The following SUPT6H variants were observed in gnomAD, a reference collection of about 807,000 sequenced individuals.
SUPT6H encodes transcription elongation factor SPT6.
In SUPT6H, 11 loss-of-function variants were observed where a neutral mutation model predicts 222.3. The ratio of observed to expected loss-of-function variants is 0.05; its 90% CI spans 0.03 to 0.08. The LOEUF (loss-of-function observed/expected upper bound fraction) is 0.08, where lower values mean the gene tolerates loss of function less well. Ranked by LOEUF, SUPT6H falls within the 10% of genes least tolerant of loss-of-function variation. The pLI is 1.00. For missense variants in SUPT6H, 1,422 were observed against 2,216.0 expected, an observed-to-expected ratio of 0.64 and a Z score of 7.19; for synonymous variants, 762 against 801.2, an observed-to-expected ratio of 0.95 and a Z score of 0.83.
intron 27 of SUPT6H, among the ~76,000 whole-genome samples, 191 bp from the exon 28 acceptor site, chr17:28,693,505 A>G (rs2031768694): frequency 1.3e-5 from 2 of 152,226 alleles, no homozygotes; most frequent in Admixed American, 6.5e-5. Flanking sequence ...GGTGCCAAGC[A>G]TCAGCTATGA....
Position 28,681,945 on chromosome 17 carries a change from G to T in SUPT6H, c.1562G>T (p.Arg521Leu). ...CCTGAGCTCAAGCAAGCCTCTCGCC[G>T]AGACATGTACACCATCTGCCAGAGT... Reference protein sequence around the residue: ...RGPELKQASRRDMYTICQSAG... With the variant: ...RGPELKQASRLDMYTICQSAG... The change falls in exon 13 of 37, where the codon CGA (arginine) becomes CTA (leucine). Residue 521 changes from arginine (R) to leucine (L), a missense_variant. Arg to Leu is a moderately radical substitution (Grantham distance 102). Around this residue, in one of 13 missense-constraint regions of SUPT6H, gnomAD observed 389 missense variants for 544.6 expected, o/e 0.71. Transcript: ENST00000314616. The T allele has an allele frequency of 6.2e-7, 1 of 1,608,782 alleles. No individual in the cohort carries two copies. Among genetic ancestry groups the T allele is most frequent in the Non-Finnish European group, 8.5e-7 (1 of 1,178,470 alleles).
intron 2 of SUPT6H, 86 bp from the exon 3 acceptor site, chr17:28,674,197 G>A (rs1007570272): frequency 5.2e-6 from 8 of 1,540,586 alleles, no homozygotes; most frequent in Non-Finnish European, 7.0e-6. Flanking sequence ...TAGGTGCAGA[G>A]CAAATGGATA....
intron 19 of SUPT6H, 48 bp downstream of exon 19, chr17:28,685,009 TATGATTC>T: frequency 1.3e-6 from 2 of 1,531,836 alleles, no homozygotes; most frequent in Non-Finnish European, 1.8e-6. Context: ...GAGTATGTCT[TATGATTC>T]AGTGGAGATA....
At position 28,688,104 on chromosome 17, in the gene SUPT6H, A is replaced by G. The variant is rs143898836; in HGVS notation, c.3020A>G (p.Asn1007Ser). The G allele has an allele frequency of 2.0e-5, 33 of 1,612,704 alleles. No homozygotes were observed. In the African/African-American group the frequency reaches 3.2e-4, roughly 16 times the overall value. Residue 1007 changes from asparagine (N) to serine (S), a missense_variant, in exon 24 of 37, where the codon AAC becomes AGC. Asn to Ser is a conservative substitution (Grantham distance 46, BLOSUM62 1). Coordinates refer to ENST00000314616, the MANE Select transcript of SUPT6H (RefSeq NM_003170.5). This position sits in a 1 kb window ranked among gnomAD's most constrained non-coding sequence, Gnocchi z 4.3. Reference protein sequence around the residue: ...GTHLLKILKQNNTRLESRTQL... With the variant: ...GTHLLKILKQSNTRLESRTQL... Reference sequence around the variant, plus strand: ...TCTCTCCCCCAGATCCTGAAGCAGAACAACACCCGGCTCGAGAGCCGGACC... The same window carrying G: ...TCTCTCCCCCAGATCCTGAAGCAGAGCAACACCCGGCTCGAGAGCCGGACC...
At chr17:28,683,939 C>G in intron 17 of SUPT6H, 123 bp downstream of exon 17, 1 of 832,784 alleles carries the variant, frequency 1.2e-6, no homozygotes, top group East Asian at 3.0e-5. Context: ...AGGTTGATGC[C>G]ATTCTCCTGC....
Position 28,681,955 on chromosome 17 carries a change from C to T in SUPT6H, c.1572C>T (p.Tyr524=), listed in dbSNP as rs149935157. The T allele has an allele frequency of 2.4e-5, 39 of 1,607,176 alleles. No homozygotes were observed. Among genetic ancestry groups the T allele is most frequent in the Non-Finnish European group, 3.2e-5 (38 of 1,177,948 alleles). The change falls in exon 13 of 37, where the codon TAC becomes TAT. Residue 524 remains tyrosine, a synonymous_variant. Coordinates refer to ENST00000314616, the MANE Select transcript of SUPT6H (RefSeq NM_003170.5). ...ELKQASRRDM[Y]TICQSAGLDG... ...AGCAAGCCTCTCGCCGAGACATGTA[C>T]ACCATCTGCCAGAGTGCTGGGCTAG...
At position 28,701,661 on chromosome 17, in the gene SUPT6H, C is replaced by T. The variant is rs1257218467; in HGVS notation, c.*36C>T. Reference sequence around the variant, plus strand: ...CCTCGGACTCTGGTTACCTCTGAGGCTGGGAAAGGCCTGGCTGCCCACTGC... The same window carrying T: ...CCTCGGACTCTGGTTACCTCTGAGGTTGGGAAAGGCCTGGCTGCCCACTGC... On this transcript the variant is annotated 3_prime_UTR_variant, in exon 37 of 37. Coordinates refer to ENST00000314616, the MANE Select transcript of SUPT6H (RefSeq NM_003170.5). 5 of 1,568,146 alleles carry T rather than the reference C, an allele frequency of 3.2e-6. No individual in the cohort carries two copies. The highest frequency in any genetic ancestry group is 4.3e-6 in the Non-Finnish European group (5 of 1,152,784).
chr17:28,674,905 T>G, intron 4 of SUPT6H, 65 bp from the exon 5 acceptor site: 1 of 1,547,944 alleles, frequency 6.5e-7, no homozygotes, highest in South Asian at 1.2e-5. Context: ...GGAGTGAGAC[T>G]GGAGATTTGG....
At chr17:28,673,193 G>A (rs1259880157) in intron 1 of SUPT6H, among the ~76,000 whole-genome samples, 178 bp from the exon 2 acceptor site, 1 of 151,954 alleles carries the variant, frequency 6.6e-6, no homozygotes, top group Non-Finnish European at 1.5e-5. Flanking sequence ...GCAATGCTGG[G>A]AGGAATGGAT....
At chr17:28,691,255 G>A (rs935357551) in intron 27 of SUPT6H, 192 bp downstream of exon 27, 11 of 728,432 alleles carry the variant, frequency 1.5e-5, no homozygotes, top group Admixed American at 1.1e-4. Context: ...AGCTGGGCAC[G>A]GTGGCTCACG....
Position 28,683,241 on chromosome 17 carries a change from C to T in SUPT6H, c.1879-27C>T, listed in dbSNP as rs369722530. 7 of 1,609,982 alleles carry T rather than the reference C, an allele frequency of 4.3e-6. No individual in the cohort carries two copies. The African/African-American group carries it at 8.0e-5, about 18-fold the overall frequency. On this transcript the variant is annotated intron_variant, in intron 15 of 36. Coordinates refer to ENST00000314616, the MANE Select transcript of SUPT6H (RefSeq NM_003170.5). ...GGGCCTGGCCCAGCCCATCCGCAGG[C>T]TCATGATTCCCCCTTCATGTGTGCA...
rs2032150455 is a variant in SUPT6H at position 28,701,871 on chromosome 17, G to A, written c.*246G>A. On this transcript the variant is annotated 3_prime_UTR_variant, in exon 37 of 37. Coordinates refer to ENST00000314616, the MANE Select transcript of SUPT6H (RefSeq NM_003170.5). ...CTGTCCTGGGACCAGGCTGGGAGGG[G>A]AGTGTGGCAGGGAGGAGGAAGAGGA... 3.9e-6 allele frequency: 2 copies of A among 511,474 alleles called. No homozygotes were observed. Among genetic ancestry groups the A allele is most frequent in the South Asian group, 6.7e-5 (2 of 29,752 alleles). The allele number at this position is 511,474 out of a possible 1,614,324, so 31.7% of individuals were successfully genotyped here. A position where few individuals can be genotyped will look rare whatever the true frequency, so the allele number is the denominator to read the frequency against.
chr17:28,691,133 T>G, intron 27 of SUPT6H, 70 bp downstream of exon 27: 1 of 1,543,024 alleles, frequency 6.5e-7, no homozygotes, highest in Non-Finnish European at 8.8e-7. Context: ...TAGAAGGGAA[T>G]CAGAAATGAG....
chr17:28,664,327 G>A (rs1421368354), intron 1 of SUPT6H, among the ~76,000 whole-genome samples: 1 of 152,178 alleles, frequency 6.6e-6, no homozygotes, highest in African/African-American at 2.4e-5. Context: ...GGCCAGCATG[G>A]TGAAACCCCA....
chr17:28,686,453 G>A (rs753031488), intron 20 of SUPT6H, 38 bp downstream of exon 20: 2 of 1,602,338 alleles, frequency 1.2e-6, no homozygotes, highest in Non-Finnish European at 1.7e-6. Flanking sequence ...TTAAGGCCGT[G>A]ACCCAACTCA....
rs1188724454 is a variant in SUPT6H at position 28,673,369 on chromosome 17, A to C, written c.-31-2A>C. ...TTATCCTTCACTCTTTTCTTTCCCTAGTTATCTTCAGGCAGAGTGAGAAGC... is the reference window on the plus strand; with the variant it reads ...TTATCCTTCACTCTTTTCTTTCCCTCGTTATCTTCAGGCAGAGTGAGAAGC... On this transcript the variant is annotated splice_acceptor_variant, in intron 1 of 36. Transcript: ENST00000314616. LOFTEE classifies it low-confidence loss of function (5UTR_SPLICE). 3 of 1,535,880 alleles carry C rather than the reference A, an allele frequency of 2.0e-6. No homozygotes were observed. In the African/African-American group the frequency reaches 4.1e-5, roughly 21 times the overall value.
chr17:28,683,629 A>G lies in SUPT6H; in HGVS notation c.2042A>G (p.Asn681Ser). ...IDLKGVEGYG[N>S]DQTYFEEIKQ... is the part of the protein sequence containing the mutation. ...TTTGTGTCTCTTCTCAGCTATGGCA[A>G]CGACCAGACATATTTTGAGGAGATA... Residue 681 changes from asparagine (N) to serine (S), a missense_variant, in exon 17 of 37, where the codon AAC becomes AGC. By Grantham distance (46) the Asn-to-Ser change is conservative (BLOSUM62 1). Coordinates refer to ENST00000314616, the MANE Select transcript of SUPT6H (RefSeq NM_003170.5). The G allele has an allele frequency of 6.2e-7, 1 of 1,613,826 alleles. No individual in the cohort carries two copies.
intron 7 of SUPT6H, among the ~76,000 whole-genome samples, chr17:28,676,676 C>A (rs2030765690): frequency 6.6e-6 from 1 of 152,148 alleles, no homozygotes; most frequent in Admixed American, 6.5e-5. Flanking sequence ...CCTATAATCC[C>A]AGCACTTTAG....
chr17:28,701,639 C>T lies in SUPT6H; in HGVS notation c.*14C>T, dbSNP rs776439763. 6.3e-6 allele frequency: 10 copies of T among 1,594,546 alleles called. No homozygotes were observed. The highest frequency in any genetic ancestry group is 1.7e-4 in the Middle Eastern group (1 of 5,852). On this transcript the variant is annotated 3_prime_UTR_variant, in exon 37 of 37. Coordinates refer to ENST00000314616, the MANE Select transcript of SUPT6H (RefSeq NM_003170.5). ...ATGGATCGGTAGGGGGCCTGCTCCT[C>T]GGACTCTGGTTACCTCTGAGGCTGG...
Sources: gnomAD v4.1 joint callset for allele counts (sites outside exome capture counted in the v4.1 genomes callset) on GRCh38, gnomAD v4.1.1 for gene constraint, gnomAD v4.1.1 regional missense constraint, Gnocchi (gnomAD v3.1) non-coding constraint, MANE v1.5 for transcripts, NCBI Gene and HGNC (gene_info 2026-07-23, HGNC 2026-07-21) for gene names.